KIRREL3: variants seen among roughly 807,000 people sequenced by gnomAD.
KIRREL3 encodes the protein kin of IRRE-like protein 3.
A neutral mutation model predicts 89.7 loss-of-function variants in KIRREL3; 36 were observed. The ratio of observed to expected loss-of-function variants is 0.40; its 90% CI spans 0.31 to 0.53. The LOEUF (loss-of-function observed/expected upper bound fraction) is 0.53. KIRREL3 is among the 20% of genes least tolerant of loss of function. KIRREL3 has a pLI of 0.49. For synonymous variants in KIRREL3, 445 were observed against 441.4 expected (o/e 1.01, Z -0.10); for missense variants, 864 against 1,056.6 (o/e 0.82, Z 2.53).
At position 126,937,694 on chromosome 11, in the gene KIRREL3, T is replaced by C. The variant is rs187346142; in HGVS notation, c.55+62761A>G. Among the ~76,000 whole-genome samples the C allele has an allele frequency of 2.0e-3, 296 of 151,614 alleles. 1 individual carries two copies. The highest frequency in any genetic ancestry group is 6.4e-3 in the African/African-American group (265 of 41,272). The stretch of plus-strand genomic sequence containing the variant: ...GCGGGTGGATCACGAGGTCAGGAGA[T>C]CAAGACCATCCTGGCTAACACAGTG... On this transcript the variant is annotated intron_variant, in intron 1 of 16. Transcript: ENST00000525144.
At chr11:126,809,037 C>A (rs748550151) in intron 1 of KIRREL3, among the ~76,000 whole-genome samples, 5 of 152,164 alleles carry the variant, frequency 3.3e-5, no homozygotes, top group Non-Finnish European at 4.4e-5. Context: ...AGGCAAGGAG[C>A]CAGCCCTTGT....
Position 126,595,140 on chromosome 11 carries a change from G to A in KIRREL3, c.56-32228C>T, listed in dbSNP as rs560170962. Among the ~76,000 whole-genome samples the A allele has an allele frequency of 5.9e-5, 9 of 152,370 alleles. No individual in the cohort carries two copies. In the East Asian group the frequency reaches 1.4e-3, roughly 23 times the overall value. On this transcript the variant is annotated intron_variant, in intron 1 of 16. Transcript: ENST00000525144. ...GAGAGCACTCAAGAGCCACTTCACC[G>A]GCCTTCTTTTCTCTTTCCAAGGCTC...
chr11:126,522,102 G>C lies in KIRREL3; in HGVS notation c.284-638C>G, dbSNP rs1051342449. Among the ~76,000 whole-genome samples the C allele has an allele frequency of 6.6e-6, 1 of 152,088 alleles. No individual in the cohort carries two copies. Among genetic ancestry groups the C allele is most frequent in the Non-Finnish European group, 1.5e-5 (1 of 68,030 alleles). ...AATCGGAGGAGCCACTGTTAGAAAG[G>C]AAAGAGGGAGAAGAGATGGAAATGC... On this transcript the variant is annotated intron_variant, in intron 3 of 16. Coordinates refer to ENST00000525144, the MANE Select transcript of KIRREL3 (RefSeq NM_032531.4). The surrounding 1 kb of genome is among the most constrained non-coding windows in gnomAD (Gnocchi z 6.0).
rs914653393 is a variant in KIRREL3, at chr11:126,823,698, C to A, written c.55+176757G>T. Among the ~76,000 whole-genome samples the A allele has an allele frequency of 3.3e-5, 5 of 152,134 alleles. 1 individual carries two copies. The highest frequency in any genetic ancestry group is 1.2e-4 in the African/African-American group (5 of 41,418). On this transcript the variant is annotated intron_variant, in intron 1 of 16. Transcript: ENST00000525144. ...CTTCTCTATCTGCCATCTTTTCAGCCACAATAAATTAATCTTCAGAAAGAT... is the reference window on the plus strand; with the variant it reads ...CTTCTCTATCTGCCATCTTTTCAGCAACAATAAATTAATCTTCAGAAAGAT...
rs1939458861 is a variant in KIRREL3 at position 126,553,608 on chromosome 11, T to C, written c.133+9227A>G. Among the ~76,000 whole-genome samples the C allele has an allele frequency of 6.6e-6, 1 of 152,222 alleles. No individual in the cohort carries two copies. The highest frequency in any genetic ancestry group is 1.5e-5 in the Non-Finnish European group (1 of 68,036). On this transcript the variant is annotated intron_variant, in intron 2 of 16. Coordinates refer to ENST00000525144, the MANE Select transcript of KIRREL3 (RefSeq NM_032531.4). This position sits in a 1 kb window ranked among gnomAD's most constrained non-coding sequence, Gnocchi z 4.7. ...GCCACCTCAAGGGAGCAGCTGGGGC[T>C]ATCTGCGTGTCGATTCCCGTCACCT...
chr11:126,760,181 C>T (rs1949625267), intron 1 of KIRREL3, among the ~76,000 whole-genome samples: 1 of 152,324 alleles, frequency 6.6e-6, no homozygotes, highest in Admixed American at 6.5e-5. Flanking sequence ...TTCCTCCTGT[C>T]TGTCTGGGGG....
intron 4 of KIRREL3, among the ~76,000 whole-genome samples, chr11:126,493,571 C>T (rs1175381830): frequency 2.8e-5 from 4 of 143,198 alleles, no homozygotes; most frequent in African/African-American, 5.2e-5. Flanking sequence ...AGGAGAATGG[C>T]GTGAACCCAG....
In KIRREL3 at chr11:126,655,266, G is replaced by A. The variant is rs1327751804; in HGVS notation, c.56-92354C>T. Among the ~76,000 whole-genome samples, 1 of 152,184 alleles carries A rather than the reference G, an allele frequency of 6.6e-6. No homozygotes were observed. The highest frequency in any genetic ancestry group is 2.4e-5 in the African/African-American group (1 of 41,440). On this transcript the variant is annotated intron_variant, in intron 1 of 16. Transcript: ENST00000525144. The surrounding 1 kb of genome is among the most constrained non-coding windows in gnomAD (Gnocchi z 5.0). ...CTCACCCAGGAGAGCTCTCGCTGTT[G>A]CCTGCTTTTATCTGGAAAACAATGT...
At chr11:126,910,913 C>T (rs1946789737) in intron 1 of KIRREL3, among the ~76,000 whole-genome samples, 1 of 152,208 alleles carries the variant, frequency 6.6e-6, no homozygotes, top group Non-Finnish European at 1.5e-5. Flanking sequence ...GGACTAGACC[C>T]CTGGGCTTAG....
rs745383285 is a variant in KIRREL3 at position 126,594,901 on chromosome 11, C to T, written c.56-31989G>A. Among the ~76,000 whole-genome samples, 2 of 152,246 alleles carry T rather than the reference C, an allele frequency of 1.3e-5. No homozygotes were observed. Among genetic ancestry groups the T allele is most frequent in the Non-Finnish European group, 2.9e-5 (2 of 68,046 alleles). On this transcript the variant is annotated intron_variant, in intron 1 of 16. Transcript: ENST00000525144. This position sits in a 1 kb window ranked among gnomAD's most constrained non-coding sequence, Gnocchi z 5.0. Reference sequence around the variant, plus strand: ...CAGCGTTTTGCCCCAGTTGGCCTTCCGCCCCTGGGAGGGGGAACAATGTCT... The same window carrying T: ...CAGCGTTTTGCCCCAGTTGGCCTTCTGCCCCTGGGAGGGGGAACAATGTCT...
chr11:126,815,152 G>T (rs1023157311), intron 1 of KIRREL3, among the ~76,000 whole-genome samples: 1 of 152,134 alleles, frequency 6.6e-6, no homozygotes, highest in Non-Finnish European at 1.5e-5. Flanking sequence ...TTGCAGTTTT[G>T]TCTTTATTCT....
At chr11:126,836,966 C>T (rs1437395914) in intron 1 of KIRREL3, among the ~76,000 whole-genome samples, 1 of 151,868 alleles carries the variant, frequency 6.6e-6, no homozygotes, top group Non-Finnish European at 1.5e-5. Flanking sequence ...GTGGTCCTTG[C>T]TTTGGTATTT....
Position 126,723,312 on chromosome 11 carries a change from A to AG in KIRREL3, c.56-160401dup, listed in dbSNP as rs1360601001. ...GTTTGTGGAGTAGAATGAAAGGCAA[A>AG]GGGAACAGTGCTGAGCCAGAGAACA... is the stretch of plus-strand genomic sequence containing the variant. On this transcript the variant is annotated intron_variant, in intron 1 of 16. Transcript: ENST00000525144. This position sits in a 1 kb window ranked among gnomAD's most constrained non-coding sequence, Gnocchi z 4.0. Among the ~76,000 whole-genome samples, 1 of 152,206 alleles carries AG rather than the reference A, an allele frequency of 6.6e-6. No homozygotes were observed. Among genetic ancestry groups the AG allele is most frequent in the Non-Finnish European group, 1.5e-5 (1 of 68,026 alleles).
chr11:126,425,235 AC>A (rs1389190269), intron 16 of KIRREL3, among the ~76,000 whole-genome samples: 1 of 152,116 alleles, frequency 6.6e-6, no homozygotes, highest in Non-Finnish European at 1.5e-5. Context: ...CAGAAGGGGG[AC>A]TGCGGACCCC....
chr11:126,442,903 G>T (rs1955637134), intron 10 of KIRREL3, among the ~76,000 whole-genome samples: 1 of 152,244 alleles, frequency 6.6e-6, no homozygotes, highest in Admixed American at 6.5e-5. Flanking sequence ...GCTTGTGCTG[G>T]CAGGGGTGGA....
At chr11:126,483,705 C>T (rs1224687504) in intron 4 of KIRREL3, among the ~76,000 whole-genome samples, 5 of 152,258 alleles carry the variant, frequency 3.3e-5, no homozygotes, top group Non-Finnish European at 7.3e-5. Flanking sequence ...CAGCTTTCTC[C>T]TGTGTGACCA....
chr11:126,446,980 G>C lies in KIRREL3; in HGVS notation c.998-94C>G, dbSNP rs1013739653. 21 of 1,428,726 alleles carry C rather than the reference G, an allele frequency of 1.5e-5. No homozygotes were observed. In the East Asian group the frequency reaches 2.0e-4, roughly 14 times the overall value. 88.5% of individuals were successfully genotyped at this position (1,428,726 alleles called of 1,614,324 possible). A position where few individuals can be genotyped will look rare whatever the true frequency, so the allele number is the denominator to read the frequency against. On this transcript the variant is annotated intron_variant, in intron 8 of 16. Transcript: ENST00000525144. ...CTCCTTTTCCCCCTAGACCTTGACTGGGGGGAGGCAGGCAGTGGGGTACTT... is the reference window on the plus strand; with the variant it reads ...CTCCTTTTCCCCCTAGACCTTGACTCGGGGGAGGCAGGCAGTGGGGTACTT...
intron 1 of KIRREL3, among the ~76,000 whole-genome samples, chr11:126,616,880 G>A (rs1482764980): frequency 2.0e-5 from 3 of 152,218 alleles, no homozygotes; most frequent in Non-Finnish European, 4.4e-5. Context: ...GGGCTCAAGT[G>A]ATCCTCCTGC....
At chr11:126,820,753 C>G (rs1462498364) in intron 1 of KIRREL3, among the ~76,000 whole-genome samples, 1 of 152,082 alleles carries the variant, frequency 6.6e-6, no homozygotes, top group Non-Finnish European at 1.5e-5. Flanking sequence ...GAGGCCAGAG[C>G]TGGAGTTGAG....
Sources: gnomAD v4.1 joint callset for allele counts (sites outside exome capture counted in the v4.1 genomes callset) on GRCh38, gnomAD v4.1.1 for gene constraint, Gnocchi (gnomAD v3.1) non-coding constraint, MANE v1.5 for transcripts, NCBI Gene and HGNC (gene_info 2026-07-23, HGNC 2026-07-21) for gene names.